Variants in SHISA9 observed in about 807,000 individuals in gnomAD.
SHISA9 encodes the protein shisa family member 9, also known as protein shisa-9.
SHISA9 carries 13 observed loss-of-function variants against 38.0 expected under a neutral mutation model. The ratio of observed to expected loss-of-function variants is 0.34; its 90% CI spans 0.22 to 0.54. The LOEUF (loss-of-function observed/expected upper bound fraction) is 0.54, where lower values mean the gene tolerates loss of function less well. SHISA9 is among the 20% of genes least tolerant of loss of function. The probability of loss-of-function intolerance (pLI) is 0.91; values close to 1 mark genes in which losing one functional copy is unlikely to be tolerated. For synonymous variants in SHISA9, 275 were observed against 242.0 expected (o/e 1.14, Z -1.27); for missense variants, 538 against 575.8 (o/e 0.93, Z 0.67).
At chr16:13,519,656 C>T in the SHISA9 span, among the ~76,000 whole-genome samples, 13 of 152,190 alleles carry the variant, frequency 8.5e-5, no homozygotes, top group African/African-American at 3.1e-4. Context: ...AATTGACTCA[C>T]AGTTCCACAG....
rs1207707042 is a variant in SHISA9, at chr16:13,037,109, GACACACACAC to G, written c.691+120333_691+120342del. Among the ~76,000 whole-genome samples the G allele has an allele frequency of 6.5e-3, 685 of 105,280 alleles. 8 individuals are homozygous for G. The highest frequency in any genetic ancestry group is 9.8e-3 in the Admixed American group (97 of 9,920). 69.1% of individuals were successfully genotyped at this position (105,280 alleles called of 152,430 possible). A position where few individuals can be genotyped will look rare whatever the true frequency, so the allele number is the denominator to read the frequency against. ...CACACCACACACACACACACACACAGACACACACACACACACACACACACACACACACACA... is the reference window on the plus strand; with the variant it reads ...CACACCACACACACACACACACACAGACACACACACACACACACACACACA... On this transcript the variant is annotated intron_variant, in intron 2 of 4. Coordinates refer to ENST00000558583, the MANE Select transcript of SHISA9 (RefSeq NM_001145204.3).
At chr16:13,497,344 A>C in the SHISA9 span, among the ~76,000 whole-genome samples, 1 of 152,168 alleles carries the variant, frequency 6.6e-6, no homozygotes, top group Non-Finnish European at 1.5e-5. Context: ...TGTCTACCAA[A>C]TCTGTCTAAA....
At position 13,203,541 on chromosome 16, in the gene SHISA9, A is replaced by G. The variant is rs200058970; in HGVS notation, c.839A>G (p.Lys280Arg). The change falls in exon 3 of 5, where the codon AAG (lysine) becomes AGG (arginine). Residue 280 changes from lysine to arginine, a missense_variant. By Grantham distance (26) the Lys-to-Arg change is conservative. Transcript: ENST00000558583. ...GAGCTCAACAAGTACGCCTCCTTAAAGGCAGTCGGTAAGTGCCACCTGATG... is the reference window on the plus strand; with the variant it reads ...GAGCTCAACAAGTACGCCTCCTTAAGGGCAGTCGGTAAGTGCCACCTGATG... ...GKELNKYASL[K>R]AVGSSDGDWA... 2.7e-5 allele frequency: 42 copies of G among 1,533,596 alleles called. 1 individual carries two copies. In the East Asian group the frequency reaches 9.4e-4, roughly 34 times the overall value. The allele number at this position is 1,533,596 out of a possible 1,614,324, so 95.0% of individuals were successfully genotyped here.
At chr16:12,942,903 C>G (rs182899884) in intron 2 of SHISA9, among the ~76,000 whole-genome samples, 16 of 152,260 alleles carry the variant, frequency 1.1e-4, no homozygotes, top group Admixed American at 1.0e-3. Context: ...TAGGTCTCAA[C>G]AGATGTTCTC....
At chr16:13,013,832 A>G (rs987340289) in intron 2 of SHISA9, among the ~76,000 whole-genome samples, 3 of 151,872 alleles carry the variant, frequency 2.0e-5, no homozygotes, top group African/African-American at 7.3e-5. Flanking sequence ...GGTTCACGCC[A>G]TTCTCCTGCC....
intron 2 of SHISA9, among the ~76,000 whole-genome samples, chr16:13,199,784 T>C (rs2050986233): frequency 6.6e-6 from 1 of 151,912 alleles, no homozygotes; most frequent in Admixed American, 6.6e-5. Context: ...AAGAAGGAGG[T>C]ATTGGGATTG....
the SHISA9 span, among the ~76,000 whole-genome samples, chr16:13,469,379 AAG>A: frequency 8.7e-3 from 938 of 107,678 alleles, 8 homozygotes; most frequent in East Asian, 0.019. Flanking sequence ...GAAAGAAAGA[AAG>A]AAAGAAAGAA....
At chr16:13,261,730 G>C in the SHISA9 span, among the ~76,000 whole-genome samples, 1 of 152,180 alleles carries the variant, frequency 6.6e-6, no homozygotes, top group Non-Finnish European at 1.5e-5. Flanking sequence ...CATGTGCTGA[G>C]GGTACATCAT....
chr16:13,536,423 A>G, the SHISA9 span, among the ~76,000 whole-genome samples: 1 of 152,176 alleles, frequency 6.6e-6, no homozygotes, highest in Non-Finnish European at 1.5e-5. Flanking sequence ...TTCTCCTTTG[A>G]CAGGAATTTT....
At chr16:13,452,847 C>T in the SHISA9 span, among the ~76,000 whole-genome samples, 390 of 151,764 alleles carry the variant, frequency 2.6e-3, 1 homozygote, top group Non-Finnish European at 3.6e-3. Context: ...CCTCTTCCCT[C>T]TTAAAGAATA....
At chr16:12,943,787 G>A (rs1203225033) in intron 2 of SHISA9, among the ~76,000 whole-genome samples, 1 of 151,936 alleles carries the variant, frequency 6.6e-6, no homozygotes, top group Non-Finnish European at 1.5e-5. Context: ...ATTGATGAGG[G>A]GCTCATCTAA....
chr16:13,423,334 T>A, the SHISA9 span, among the ~76,000 whole-genome samples: 7 of 152,316 alleles, frequency 4.6e-5, no homozygotes, highest in Middle Eastern at 6.8e-3. Flanking sequence ...TTCTTTATTT[T>A]TGTTTTATTA....
chr16:13,414,214 A>G, the SHISA9 span, among the ~76,000 whole-genome samples: 145 of 152,332 alleles, frequency 9.5e-4, 1 homozygote, highest in Middle Eastern at 3.4e-3. Context: ...AATTTAGTAA[A>G]CAGGAGGAAA....
At chr16:12,932,813 C>CTA (rs1192731150) in intron 2 of SHISA9, among the ~76,000 whole-genome samples, 10 of 152,142 alleles carry the variant, frequency 6.6e-5, no homozygotes, top group Admixed American at 2.0e-4. Context: ...TGTCGTGGCT[C>CTA]CCTGCAGTGG....
At chr16:13,416,765 A>AT in the SHISA9 span, among the ~76,000 whole-genome samples, 1 of 113,556 alleles carries the variant, frequency 8.8e-6, no homozygotes. Flanking sequence ...GAAGGAAGGA[A>AT]GGAAGGAAGG....
At chr16:13,415,532 C>T in the SHISA9 span, among the ~76,000 whole-genome samples, 1 of 152,074 alleles carries the variant, frequency 6.6e-6, no homozygotes, top group Non-Finnish European at 1.5e-5. Flanking sequence ...ACAACAAACT[C>T]CCATTACATA....
intron 2 of SHISA9, among the ~76,000 whole-genome samples, chr16:13,176,836 C>G (rs568245416): frequency 6.6e-6 from 1 of 152,168 alleles, no homozygotes; most frequent in African/African-American, 2.4e-5. Flanking sequence ...ACCCTCAGAT[C>G]ACCCACACCT....
At chr16:13,215,978 G>A (rs917613322) in intron 4 of SHISA9, among the ~76,000 whole-genome samples, 5 of 152,096 alleles carry the variant, frequency 3.3e-5, no homozygotes, top group African/African-American at 7.2e-5. Flanking sequence ...CCTGAGGTCA[G>A]GAGTTTGAGA....
At chr16:13,495,147 C>A in the SHISA9 span, among the ~76,000 whole-genome samples, 1,259 of 152,130 alleles carry the variant, frequency 8.3e-3, 17 homozygotes, top group African/African-American at 0.029. Context: ...TGAGTGTAGT[C>A]GTGATTCCAT....
Sources: gnomAD v4.1 joint callset for allele counts (sites outside exome capture counted in the v4.1 genomes callset) on GRCh38, gnomAD v4.1.1 for gene constraint, MANE v1.5 for transcripts, NCBI Gene and HGNC (gene_info 2026-07-23, HGNC 2026-07-21) for gene names.